Variants in GSE1 observed in about 807,000 individuals in gnomAD.
The protein encoded by GSE1 is Gse1 coiled-coil protein.
In GSE1, 32 loss-of-function variants were observed where a neutral mutation model predicts 112.6. That is an observed-to-expected ratio of 0.28 (90% CI 0.21 to 0.38). GSE1 has a LOEUF of 0.38. GSE1 is among the 10% of genes least tolerant of loss of function. The pLI, the probability that GSE1 is intolerant of heterozygous loss-of-function variation, is 1.00. For missense variants in GSE1, 2,348 were observed against 1,699.2 expected, an observed-to-expected ratio of 1.38 and a Z score of -6.71; for synonymous variants, 1,115 against 735.6, an observed-to-expected ratio of 1.52 and a Z score of -8.35.
intron 1 of GSE1, among the ~76,000 whole-genome samples, chr16:85,351,816 C>A (rs1260554489): frequency 1.3e-5 from 2 of 152,152 alleles, no homozygotes; most frequent in African/African-American, 4.8e-5. Flanking sequence ...ATGGTGAAAG[C>A]CCGTCTTTGC....
In GSE1 at chr16:85,297,045, A is replaced by T. The variant is rs183549097; in HGVS notation, c.2284-60418A>T. Among the ~76,000 whole-genome samples the T allele has an allele frequency of 1.3e-4, 20 of 152,130 alleles. No individual in the cohort carries two copies. In the East Asian group the frequency reaches 2.5e-3, roughly 19 times the overall value. On this transcript the variant is annotated intron_variant, in intron 1 of 2. Transcript: ENST00000637419. ...GACTTATGGGGCTTGGGAAGTCCCA[A>T]GCCTTCAGAACAGTGTGGGGCAAGG... is the stretch of plus-strand genomic sequence containing the variant.
chr16:85,586,307 G>C (rs1282739487), intron 1 of GSE1, among the ~76,000 whole-genome samples: 3 of 152,256 alleles, frequency 2.0e-5, no homozygotes, highest in African/African-American at 7.2e-5. Context: ...GGGGGACACA[G>C]TTTAGCCCAT....
intron 2 of GSE1, among the ~76,000 whole-genome samples, chr16:85,491,534 AGGGGT>A (rs2051010067): frequency 6.6e-6 from 1 of 152,184 alleles, no homozygotes; most frequent in Non-Finnish European, 1.5e-5. Context: ...GCCCTCTGGC[AGGGGT>A]GCTGGGGCGC....
chr16:85,459,235 CTG>C (rs1417894449), intron 2 of GSE1, among the ~76,000 whole-genome samples: 2 of 152,246 alleles, frequency 1.3e-5, no homozygotes, highest in Admixed American at 1.3e-4. Context: ...CAGGCACCCT[CTG>C]TGTCTCCACA....
intron 2 of GSE1, among the ~76,000 whole-genome samples, chr16:85,645,968 T>C (rs2050826349): frequency 6.6e-6 from 1 of 151,638 alleles, no homozygotes; most frequent in African/African-American, 2.4e-5. Flanking sequence ...TACCACGCAT[T>C]CTACCTGCTT....
At chr16:85,174,106 G>A (rs2074413462) in intron 1 of GSE1, among the ~76,000 whole-genome samples, 1 of 152,180 alleles carries the variant, frequency 6.6e-6, no homozygotes. Flanking sequence ...CAGAAAAGAG[G>A]TAGAATTTGT....
At chr16:85,382,375 T>G (rs1261994417) in intron 2 of GSE1, among the ~76,000 whole-genome samples, 1 of 152,214 alleles carries the variant, frequency 6.6e-6, no homozygotes, top group Non-Finnish European at 1.5e-5. Flanking sequence ...ACAAGGCTAA[T>G]CAGGTCCATA....
At chr16:85,182,508 G>A (rs756089742) in intron 1 of GSE1, among the ~76,000 whole-genome samples, 1 of 152,190 alleles carries the variant, frequency 6.6e-6, no homozygotes, top group South Asian at 2.1e-4. Flanking sequence ...CGGAAACTGC[G>A]TTTTCTTCCT....
At chr16:85,233,076 G>A (rs1014678419) in intron 1 of GSE1, among the ~76,000 whole-genome samples, 1 of 152,232 alleles carries the variant, frequency 6.6e-6, no homozygotes, top group African/African-American at 2.4e-5. Flanking sequence ...CTAGCCCCAT[G>A]GCTCCAAACA....
At chr16:85,186,619 A>AT (rs2074707384) in intron 1 of GSE1, among the ~76,000 whole-genome samples, 1 of 151,786 alleles carries the variant, frequency 6.6e-6, no homozygotes, top group African/African-American at 2.4e-5. Context: ...AAAAAAAAAA[A>AT]AATTTAGCCG....
At position 85,532,954 on chromosome 16, in the gene GSE1, C is replaced by T. The variant is rs545943301; in HGVS notation, c.2465-100960C>T. On this transcript the variant is annotated intron_variant, in intron 2 of 2. Transcript: ENST00000637419. ...GAGATTTTCCCCAGAACATGCCCCA[C>T]GTACTCCAAAACCAGCACAAACCAG... Among the ~76,000 whole-genome samples, 52 of 152,330 alleles carry T rather than the reference C, an allele frequency of 3.4e-4. 1 individual carries two copies. The highest frequency in any genetic ancestry group is 2.1e-4 in the South Asian group (1 of 4,830).
At chr16:85,610,550 G>A (rs1478633135), upstream of GSE1, among the ~76,000 whole-genome samples, 1 of 152,238 alleles carries the variant, frequency 6.6e-6, no homozygotes, top group Non-Finnish European at 1.5e-5. Context: ...AAACTCGGAG[G>A]CCGTGCTCCG....
chr16:85,369,708 G>A (rs577914668), intron 2 of GSE1, among the ~76,000 whole-genome samples: 2 of 152,370 alleles, frequency 1.3e-5, no homozygotes, highest in East Asian at 1.9e-4. Context: ...GGGATTAGAT[G>A]TGGACGTCTT....
intron 1 of GSE1, among the ~76,000 whole-genome samples, chr16:85,231,722 G>A (rs1904288720): frequency 6.6e-6 from 1 of 152,160 alleles, no homozygotes; most frequent in Non-Finnish European, 1.5e-5. Flanking sequence ...CTCTTGGTCA[G>A]CAACCTGTCT....
chr16:85,429,840 G>T (rs956987835), intron 2 of GSE1, among the ~76,000 whole-genome samples: 2 of 152,216 alleles, frequency 1.3e-5, no homozygotes, highest in African/African-American at 4.8e-5. Flanking sequence ...TTTCTCCAGA[G>T]CTCTGGGTCA....
At chr16:85,600,776 C>T (rs535801039) in intron 1 of GSE1, among the ~76,000 whole-genome samples, 197 of 152,254 alleles carry the variant, frequency 1.3e-3, no homozygotes, top group Non-Finnish European at 2.2e-3. Flanking sequence ...CAGGACAAGA[C>T]GGCATGGTGC....
At chr16:85,515,864 C>A (rs1161471646) in intron 2 of GSE1, among the ~76,000 whole-genome samples, 1 of 152,146 alleles carries the variant, frequency 6.6e-6, no homozygotes, top group East Asian at 1.9e-4. Flanking sequence ...TCTGCCAAGG[C>A]CTTAAGCCTG....
chr16:85,465,122 G>T (rs1203024480), intron 2 of GSE1, among the ~76,000 whole-genome samples: 1 of 152,254 alleles, frequency 6.6e-6, no homozygotes, highest in Non-Finnish European at 1.5e-5. Context: ...TCTTCCTTCA[G>T]CTCCAGAAAG....
chr16:85,438,013 GGAGCTAGTTCCGTGTCCGAA>G (rs1322178749), intron 2 of GSE1, among the ~76,000 whole-genome samples: 2 of 152,170 alleles, frequency 1.3e-5, no homozygotes, highest in Non-Finnish European at 2.9e-5. Context: ...TTACTGCTCA[GGAGCTAGTTCCGTGTCCGAA>G]GCTCTTCCAG....
Sources: gnomAD v4.1 joint callset for allele counts (sites outside exome capture counted in the v4.1 genomes callset) on GRCh38, gnomAD v4.1.1 for gene constraint, MANE v1.5 for transcripts, NCBI Gene and HGNC (gene_info 2026-07-23, HGNC 2026-07-21) for gene names.